The following TRANK1 variants were observed in gnomAD, a reference collection of about 807,000 sequenced individuals.
TRANK1 encodes TPR and ankyrin repeat-containing protein 1.
In TRANK1, 198 loss-of-function variants were observed where a neutral mutation model predicts 266.0. The ratio of observed to expected loss-of-function variants is 0.74; its 90% CI spans 0.66 to 0.84. TRANK1 has a LOEUF of 0.84. TRANK1 is among the 40% of genes least tolerant of loss of function. TRANK1 has a pLI of 0.00. For missense variants in TRANK1, 3,326 were observed against 3,634.6 expected, an observed-to-expected ratio of 0.92 and a Z score of 2.18; for synonymous variants, 1,396 against 1,384.1, an observed-to-expected ratio of 1.01 and a Z score of -0.19.
chr3:36,845,757 C>T (rs1361637826), intron 17 of TRANK1, among the ~76,000 whole-genome samples: 2 of 152,084 alleles, frequency 1.3e-5, no homozygotes, highest in African/African-American at 4.8e-5. Context: ...TGAATTTAGC[C>T]TTTCCCTCAT....
intron 1 of TRANK1, among the ~76,000 whole-genome samples, chr3:36,917,059 G>T (rs974477521): frequency 2.0e-5 from 3 of 151,984 alleles, no homozygotes; most frequent in Non-Finnish European, 2.9e-5. Flanking sequence ...CAAATGACCT[G>T]TCCACCTCAG....
chr3:36,841,008 A>T (rs2078836282), intron 18 of TRANK1, among the ~76,000 whole-genome samples: 1 of 152,112 alleles, frequency 6.6e-6, no homozygotes, highest in Non-Finnish European at 1.5e-5. Flanking sequence ...AATAGACAAA[A>T]CTCTTCGAAG....
chr3:36,853,820 C>T lies in TRANK1; in HGVS notation c.4549+1353G>A, dbSNP rs184221089. Among the ~76,000 whole-genome samples the T allele has an allele frequency of 4.9e-4, 74 of 152,122 alleles. No homozygotes were observed. The East Asian group carries it at 9.7e-3, about 20-fold the overall frequency. The stretch of plus-strand genomic sequence containing the variant: ...ATGAAATGTCCACAATAGGCAGATC[C>T]GTAGAAACAGAAAGATGAGTTGTCA... On this transcript the variant is annotated intron_variant, in intron 13 of 23. Transcript: ENST00000645898.
chr3:36,943,076 C>G (rs1196538779), intron 1 of TRANK1, among the ~76,000 whole-genome samples: 2 of 151,686 alleles, frequency 1.3e-5, no homozygotes, highest in Non-Finnish European at 2.9e-5. Context: ...CCCGTAATCC[C>G]AGCTATTTCG....
At chr3:36,834,225 T>A (rs539960082) in intron 21 of TRANK1, among the ~76,000 whole-genome samples, 12 of 152,338 alleles carry the variant, frequency 7.9e-5, no homozygotes, top group Non-Finnish European at 1.6e-4. Context: ...ATAGGGCAAA[T>A]GTTATGCATA....
rs149283928 is a variant in TRANK1, at chr3:36,894,896, C to A, written c.552+744G>T. Among the ~76,000 whole-genome samples, 17 of 152,270 alleles carry A rather than the reference C, an allele frequency of 1.1e-4. No homozygotes were observed. In the South Asian group the frequency reaches 3.5e-3, roughly 32 times the overall value. On this transcript the variant is annotated intron_variant, in intron 5 of 23. Coordinates refer to ENST00000645898, the MANE Select transcript of TRANK1 (RefSeq NM_001329998.2). Reference sequence around the variant, plus strand: ...AGCACTTATAGCCTATCACCAATGACGACTACTATTCACTGGGCACTTAGA... The same window carrying A: ...AGCACTTATAGCCTATCACCAATGAAGACTACTATTCACTGGGCACTTAGA...
intron 1 of TRANK1, among the ~76,000 whole-genome samples, chr3:36,914,450 C>CT (rs10644293): frequency 0.14 from 19,114 of 137,630 alleles, 1,915 homozygotes; most frequent in East Asian, 0.52. Context: ...TGGTGTCTTC[C>CT]TTTTTTTTTT....
intron 10 of TRANK1, among the ~76,000 whole-genome samples, 175 bp downstream of exon 10, chr3:36,864,144 A>G (rs1460643875): frequency 6.6e-6 from 1 of 152,228 alleles, no homozygotes; most frequent in Non-Finnish European, 1.5e-5. Context: ...TAGGGGTTGA[A>G]GTTCAGGGGT....
At chr3:36,882,943 C>G (rs1304387518) in intron 8 of TRANK1, among the ~76,000 whole-genome samples, 3 of 152,074 alleles carry the variant, frequency 2.0e-5, no homozygotes, top group Non-Finnish European at 4.4e-5. Flanking sequence ...CAATTCTCAC[C>G]TATTGGACCA....
intron 1 of TRANK1, among the ~76,000 whole-genome samples, chr3:36,914,003 C>T (rs150322770): frequency 2.0e-5 from 3 of 152,296 alleles, no homozygotes; most frequent in South Asian, 2.1e-4. Flanking sequence ...AGCCAGTTGA[C>T]GAGACCAGCT....
In TRANK1 at chr3:36,828,120, AAG is replaced by A. The variant is rs1226375302; in HGVS notation, c.*153_*154del. On this transcript the variant is annotated 3_prime_UTR_variant, in exon 24 of 24. Transcript: ENST00000645898. ...GAGCAATCAGATCCTAAGCCACTGA[AAG>A]AGAAGTAATGAGAATAAAAAGCAAT... 2 of 611,290 alleles carry A rather than the reference AAG, an allele frequency of 3.3e-6. No homozygotes were observed. The highest frequency in any genetic ancestry group is 2.8e-5 in the Admixed American group (1 of 35,682). 37.9% of individuals were successfully genotyped at this position (611,290 alleles called of 1,614,324 possible). A position where few individuals can be genotyped will look rare whatever the true frequency, so the allele number is the denominator to read the frequency against.
In TRANK1 at chr3:36,857,333, C is replaced by T. The variant is rs1384568623; in HGVS notation, c.2389G>A (p.Ala797Thr). ...TTATCATCAGGCACAAGCTGCAAGG[C>T]CCCAAGGCCCACCTGAGCATGTCCT... ...GEGHAQVGLG[A>T]LQLVPDDNRG... Residue 797 changes from alanine (A) to threonine (T), a missense_variant, in exon 13 of 24, where the codon GCC (alanine) becomes ACC (threonine). By Grantham distance (58) the Ala-to-Thr change is moderately conservative. Transcript: ENST00000645898. The surrounding 1 kb of genome is among the most constrained non-coding windows in gnomAD (Gnocchi z 4.3). 2 of 1,607,848 alleles carry T rather than the reference C, an allele frequency of 1.2e-6. No individual in the cohort carries two copies. The highest frequency in any genetic ancestry group is 2.7e-5 in the African/African-American group (2 of 74,808).
intron 5 of TRANK1, among the ~76,000 whole-genome samples, chr3:36,894,259 C>A (rs1168354716): frequency 6.6e-6 from 1 of 152,146 alleles, no homozygotes; most frequent in Non-Finnish European, 1.5e-5. Context: ...TCATATCCAC[C>A]CCACACTGGG....
In TRANK1 at chr3:36,931,125, T is replaced by C. The variant is rs1225247451; in HGVS notation, c.23+13662A>G. Among the ~76,000 whole-genome samples, 4 of 152,250 alleles carry C rather than the reference T, an allele frequency of 2.6e-5. No homozygotes were observed. The East Asian group carries it at 7.7e-4, about 29-fold the overall frequency. On this transcript the variant is annotated intron_variant, in intron 1 of 23. Coordinates refer to ENST00000645898, the MANE Select transcript of TRANK1 (RefSeq NM_001329998.2). ...GGATCTTACAGACTGACTGCATACA[T>C]TGGAAATGGCAAATGTGTAAGATTA...
rs1419156434 is a variant in TRANK1 at position 36,879,729 on chromosome 3, T to TATAAATATAA, written c.908-5434_908-5433insTTATATTTAT. On this transcript the variant is annotated intron_variant, in intron 8 of 23. Transcript: ENST00000645898. ...ATATAAATATATAAATATATAAATA[T>TATAAATATAA]ATATAAATATACAAATATATAAATA... 3.2e-4 allele frequency among the ~76,000 whole-genome samples: 38 copies of TATAAATATAA among 117,488 alleles called. 2 individuals are homozygous for TATAAATATAA. The highest frequency in any genetic ancestry group is 5.0e-4 in the Non-Finnish European group (30 of 60,032). 77.1% of individuals were successfully genotyped at this position (117,488 alleles called of 152,430 possible).
At position 36,831,750 on chromosome 3, in the gene TRANK1, G is replaced by T; in HGVS notation, c.7833C>A (p.Leu2611=). The T allele has an allele frequency of 6.2e-7, 1 of 1,613,810 alleles. No individual in the cohort carries two copies. Among genetic ancestry groups the T allele is most frequent in the Non-Finnish European group, 8.5e-7 (1 of 1,179,856 alleles). ...MDCPGQVPER[L]LKVVKRVLVA... ...CCAAGACCCGCTTCACCACCTTCAG[G>T]AGCCTCTCGGGAACCTGGCCAGGGC... Residue 2611 remains leucine (L), a synonymous_variant, in exon 22 of 24, where the codon CTC becomes CTA. Transcript: ENST00000645898. The surrounding 1 kb of genome is among the most constrained non-coding windows in gnomAD (Gnocchi z 5.0).
chr3:36,892,872 GATATATATAGATAT>G lies in TRANK1; in HGVS notation c.636+15_636+28del. ...CAAAACATATATATATATATATATA[GATATATATAGATAT>G]ATATATCACCTTACCTCAAAGAGAC... is the stretch of plus-strand genomic sequence containing the variant. On this transcript the variant is annotated intron_variant, in intron 6 of 23. Coordinates refer to ENST00000645898, the MANE Select transcript of TRANK1 (RefSeq NM_001329998.2). The G allele has an allele frequency of 1.7e-6, 1 of 597,694 alleles. No homozygotes were observed. The highest frequency in any genetic ancestry group is 2.3e-6 in the Non-Finnish European group (1 of 428,668). 37.0% of individuals were successfully genotyped at this position (597,694 alleles called of 1,614,324 possible). A position where few individuals can be genotyped will look rare whatever the true frequency, so the allele number is the denominator to read the frequency against.
At chr3:36,834,652 A>G (rs1490875971) in intron 21 of TRANK1, 110 bp downstream of exon 21, 1 of 1,290,220 alleles carries the variant, frequency 7.8e-7, no homozygotes. Flanking sequence ...AAAGGGAGCA[A>G]TGTGGTCAAA....
At chr3:36,865,171 G>A (rs2125559386) in intron 9 of TRANK1, among the ~76,000 whole-genome samples, 1 of 152,018 alleles carries the variant, frequency 6.6e-6, no homozygotes, top group South Asian at 2.1e-4. Flanking sequence ...GGGATTACAG[G>A]CACTTGCCAC....
Sources: gnomAD v4.1 joint callset for allele counts (sites outside exome capture counted in the v4.1 genomes callset) on GRCh38, gnomAD v4.1.1 for gene constraint, Gnocchi (gnomAD v3.1) non-coding constraint, MANE v1.5 for transcripts, NCBI Gene and HGNC (gene_info 2026-07-23, HGNC 2026-07-21) for gene names.